Variants in DPH6 observed in about 807,000 individuals in gnomAD.
DPH6 encodes diphthine--ammonia ligase.
Under a neutral mutation model 38.2 loss-of-function variants are expected in DPH6, and 33 were observed. That is an observed-to-expected ratio of 0.86 (90% CI 0.65 to 1.15). DPH6 has a LOEUF of 1.15. Ranked by LOEUF, DPH6 falls within the 50% of genes most tolerant of loss-of-function variation. The pLI is 0.00. For synonymous variants in DPH6, 108 were observed against 103.0 expected (o/e 1.05, Z -0.30); for missense variants, 325 against 320.0 (o/e 1.02, Z -0.12).
rs73393311 is a variant in DPH6, at chr15:35,283,612, A to G, written n.201-63030T>C. On this transcript the variant is annotated intron_variant and non_coding_transcript_variant, in intron 3 of 3. Coordinates refer to the DPH6 transcript ENST00000560386. The stretch of plus-strand genomic sequence containing the variant: ...ACCCGGCCCCTGAATAACTTCTTAT[A>G]TGGTTCTTCCCACCCCATCAAACCC... 6.2e-3 allele frequency among the ~76,000 whole-genome samples: 939 copies of G among 152,180 alleles called. 10 individuals carry two copies. The highest frequency in any genetic ancestry group is 0.022 in the African/African-American group (900 of 41,516).
intron 4 of DPH6, 84 bp from the exon 5 acceptor site, chr15:35,450,887 A>T (rs1595376495): frequency 9.1e-7 from 1 of 1,100,862 alleles, no homozygotes; most frequent in South Asian, 1.5e-5. Flanking sequence ...GATTTGAAAC[A>T]TAATGCTTCG....
At chr15:35,177,580 CAAAAAAAA>C in the DPH6 span, among the ~76,000 whole-genome samples, 4 of 60,254 alleles carry the variant, frequency 6.6e-5, no homozygotes, top group Non-Finnish European at 6.5e-5. Context: ...ATCCCATCTC[CAAAAAAAA>C]AAAAAAAAAA....
intron 3 of DPH6, among the ~76,000 whole-genome samples, chr15:35,225,459 T>C (rs1047036345): frequency 6.6e-6 from 1 of 152,232 alleles, no homozygotes; most frequent in Non-Finnish European, 1.5e-5. Context: ...AAGTTATGTA[T>C]ATGGTTTTTA....
At chr15:35,442,852 G>A (rs1274768499) in intron 5 of DPH6, among the ~76,000 whole-genome samples, 1 of 152,166 alleles carries the variant, frequency 6.6e-6, no homozygotes, top group Non-Finnish European at 1.5e-5. Context: ...AGTCCTCATG[G>A]TGCTTAAAGC....
At chr15:35,318,113 T>C (rs2140839356) in intron 3 of DPH6, among the ~76,000 whole-genome samples, 1 of 152,032 alleles carries the variant, frequency 6.6e-6, no homozygotes, top group South Asian at 2.1e-4. Context: ...ATTTCCAAAC[T>C]GGATTAAAAG....
intron 3 of DPH6, among the ~76,000 whole-genome samples, chr15:35,470,611 T>C (rs752635028): frequency 3.3e-5 from 5 of 151,906 alleles, no homozygotes; most frequent in Non-Finnish European, 7.4e-5. Flanking sequence ...TAGCGTGACT[T>C]ACACAGGTTC....
At chr15:35,338,456 G>A (rs1001814714) in intron 3 of DPH6, among the ~76,000 whole-genome samples, 35 of 152,356 alleles carry the variant, frequency 2.3e-4, no homozygotes, top group African/African-American at 7.5e-4. Context: ...GGCCATCAGA[G>A]TAATACAAAT....
At chr15:35,468,031 C>A (rs577461858) in intron 3 of DPH6, among the ~76,000 whole-genome samples, 1 of 152,256 alleles carries the variant, frequency 6.6e-6, no homozygotes, top group East Asian at 1.9e-4. Context: ...AAATAAATAT[C>A]AAATAAATTT....
At chr15:35,306,038 T>C (rs998200098) in intron 3 of DPH6, among the ~76,000 whole-genome samples, 2 of 152,204 alleles carry the variant, frequency 1.3e-5, no homozygotes, top group African/African-American at 4.8e-5. Context: ...AGCAGTGTGC[T>C]TTCTGCAGCC....
intron 5 of DPH6, among the ~76,000 whole-genome samples, chr15:35,438,278 G>T (rs2141051408): frequency 1.7e-5 from 2 of 120,850 alleles, no homozygotes; most frequent in South Asian, 4.8e-4. Flanking sequence ...CTTTTTTTGA[G>T]ATGGAGTCTC....
chr15:35,296,304 T>A (rs745965957), intron 3 of DPH6, among the ~76,000 whole-genome samples: 2 of 152,180 alleles, frequency 1.3e-5, no homozygotes, highest in Non-Finnish European at 2.9e-5. Context: ...ATAACCACAT[T>A]ACTTCTAAAA....
chr15:35,489,337 T>C, intron 3 of DPH6: 1 of 985,388 alleles, frequency 1.0e-6, no homozygotes, highest in Non-Finnish European at 1.2e-6. Flanking sequence ...AAGAATTTTT[T>C]GAAAGTGCTC....
At chr15:35,191,655 T>C in the DPH6 span, among the ~76,000 whole-genome samples, 1 of 152,228 alleles carries the variant, frequency 6.6e-6, no homozygotes, top group Non-Finnish European at 1.5e-5. Context: ...TGATAGTTAC[T>C]GTTTTTTGAA....
chr15:35,441,234 T>C (rs2053784050), intron 5 of DPH6, among the ~76,000 whole-genome samples: 1 of 152,136 alleles, frequency 6.6e-6, no homozygotes. Context: ...AGTTCAACCA[T>C]GGTGGAAGAC....
intron 6 of DPH6, chr15:35,400,566 A>C (rs2053203787): frequency 3.0e-6 from 1 of 335,022 alleles, no homozygotes; most frequent in Non-Finnish European, 5.5e-6. Flanking sequence ...TTTCTGTGTC[A>C]AACACTGAAG....
chr15:35,386,701 T>C (rs2052964467), intron 6 of DPH6, among the ~76,000 whole-genome samples: 1 of 152,224 alleles, frequency 6.6e-6, no homozygotes, highest in Non-Finnish European at 1.5e-5. Context: ...TGTTTTTTTC[T>C]TGTAAATTTG....
chr15:35,428,502 C>T (rs2053595388), intron 5 of DPH6, among the ~76,000 whole-genome samples: 1 of 152,002 alleles, frequency 6.6e-6, no homozygotes, highest in Admixed American at 6.6e-5. Flanking sequence ...CAGTATTATA[C>T]AGGAAAAAAA....
chr15:35,337,494 AAGG>A (rs1486502791), intron 3 of DPH6, among the ~76,000 whole-genome samples: 1 of 152,190 alleles, frequency 6.6e-6, no homozygotes, highest in Non-Finnish European at 1.5e-5. Flanking sequence ...GGACCTCTTC[AAGG>A]AGAACTACAA....
intron 3 of DPH6, among the ~76,000 whole-genome samples, chr15:35,459,373 A>G (rs1160169073): frequency 1.3e-5 from 2 of 152,218 alleles, no homozygotes; most frequent in African/African-American, 4.8e-5. Flanking sequence ...TGAGGGCCTC[A>G]CTTTCATAAC....
Sources: allele counts gnomAD v4.1 joint callset (sites outside exome capture counted in the v4.1 genomes callset), GRCh38; gene constraint gnomAD v4.1.1; transcripts MANE v1.5; gene names NCBI Gene and HGNC (gene_info 2026-07-23, HGNC 2026-07-21).